Variants in NAALADL2 observed in about 807,000 individuals in gnomAD.
NAALADL2 encodes the protein inactive N-acetylated-alpha-linked acidic dipeptidase-like protein 2.
Under a neutral mutation model 87.2 loss-of-function variants are expected in NAALADL2, and 76 were observed. That is an observed-to-expected ratio of 0.87 (90% CI 0.72 to 1.05). The LOEUF (loss-of-function observed/expected upper bound fraction) is 1.05. Among genes scored for constraint, NAALADL2 ranks in the 50% least tolerant of loss-of-function variants. The pLI, the probability that NAALADL2 is intolerant of heterozygous loss-of-function variation, is 0.00. For missense variants in NAALADL2, 1,089 were observed against 945.8 expected, an observed-to-expected ratio of 1.15 and a Z score of -1.99; for synonymous variants, 354 against 331.0, an observed-to-expected ratio of 1.07 and a Z score of -0.75.
At chr3:175,786,433 C>G (rs1028569760) in intron 13 of NAALADL2, among the ~76,000 whole-genome samples, 1 of 152,130 alleles carries the variant, frequency 6.6e-6, no homozygotes, top group African/African-American at 2.4e-5. Flanking sequence ...CTTCCCTTCT[C>G]CTTCATTTCA....
intron 2 of NAALADL2, chr3:174,551,268 C>T (rs1712098305): frequency 6.6e-6 from 1 of 152,096 alleles, no homozygotes; most frequent in Non-Finnish European, 1.5e-5. Flanking sequence ...TTGATACTAC[C>T]AAGTTTTTGT....
chr3:174,911,133 T>A (rs1733643342), intron 1 of NAALADL2, among the ~76,000 whole-genome samples: 1 of 152,080 alleles, frequency 6.6e-6, no homozygotes. Flanking sequence ...TTTTCTGAAG[T>A]GGATTCTGAT....
At chr3:174,472,726 AG>A (rs1294302545) in intron 1 of NAALADL2, among the ~76,000 whole-genome samples, 1 of 152,048 alleles carries the variant, frequency 6.6e-6, no homozygotes, top group Non-Finnish European at 1.5e-5. Flanking sequence ...GTCAAATTTG[AG>A]TATTAAATTA....
At chr3:174,827,555 A>C (rs971442685) in intron 3 of NAALADL2, among the ~76,000 whole-genome samples, 2 of 152,164 alleles carry the variant, frequency 1.3e-5, no homozygotes, top group African/African-American at 4.8e-5. Context: ...GTTTGGGCCC[A>C]CTAGGATAAT....
chr3:174,942,690 T>G (rs1433483924), intron 1 of NAALADL2, among the ~76,000 whole-genome samples: 1 of 152,198 alleles, frequency 6.6e-6, no homozygotes. Flanking sequence ...ATATTTAGCC[T>G]CTTTACATAA....
At chr3:174,787,584 T>TGTATATATATATACATATATATATACAC (rs1560225453) in intron 3 of NAALADL2, among the ~76,000 whole-genome samples, 1 of 59,214 alleles carries the variant, frequency 1.7e-5, no homozygotes, top group Admixed American at 1.7e-4. Context: ...ATCATATATA[T>TGTATATATATATACATATATATATACAC]ATATATATAT....
At chr3:175,730,482 G>A (rs149888878) in intron 11 of NAALADL2, among the ~76,000 whole-genome samples, 43 of 135,160 alleles carry the variant, frequency 3.2e-4, no homozygotes, top group African/African-American at 8.9e-4. Context: ...GTGTGTGTGC[G>A]TACACTTTTT....
At chr3:175,559,790 C>G (rs1258412632) in intron 9 of NAALADL2, among the ~76,000 whole-genome samples, 1 of 152,220 alleles carries the variant, frequency 6.6e-6, no homozygotes, top group Admixed American at 6.5e-5. Context: ...GTGAACCCCA[C>G]TTGATCATGA....
chr3:174,638,698 T>C (rs9822741), intron 2 of NAALADL2, among the ~76,000 whole-genome samples: 33,568 of 152,082 alleles, frequency 0.22, 4,386 homozygotes, highest in African/African-American at 0.36. Flanking sequence ...TAAAAATATG[T>C]TTTTGCATGC....
intron 1 of NAALADL2, among the ~76,000 whole-genome samples, chr3:174,887,602 C>G (rs1271485647): frequency 6.6e-6 from 1 of 151,986 alleles, no homozygotes; most frequent in Non-Finnish European, 1.5e-5. Context: ...CATGACCAGC[C>G]TGGGCAACAT....
chr3:174,932,150 G>A (rs1736992424), intron 1 of NAALADL2, among the ~76,000 whole-genome samples: 1 of 152,116 alleles, frequency 6.6e-6, no homozygotes, highest in African/African-American at 2.4e-5. Context: ...GGCTTGCAGT[G>A]TTTCTTTCAC....
chr3:175,378,264 G>A (rs1297311169), intron 5 of NAALADL2, among the ~76,000 whole-genome samples: 1 of 152,180 alleles, frequency 6.6e-6, no homozygotes, highest in Non-Finnish European at 1.5e-5. Context: ...AAGCAGGTGG[G>A]AGTTAATGGA....
At chr3:175,425,061 T>C (rs1386350515) in intron 5 of NAALADL2, among the ~76,000 whole-genome samples, 3 of 152,140 alleles carry the variant, frequency 2.0e-5, no homozygotes, top group African/African-American at 7.2e-5. Context: ...CTATTGAACT[T>C]GGAGATTGGT....
chr3:175,181,691 A>ATG (rs1736505201), intron 2 of NAALADL2, among the ~76,000 whole-genome samples: 1 of 44,146 alleles, frequency 2.3e-5, no homozygotes, highest in African/African-American at 5.3e-5. Context: ...ATATATATAT[A>ATG]TATATATATA....
At chr3:174,602,150 T>TC (rs1210503458) in intron 2 of NAALADL2, among the ~76,000 whole-genome samples, 3 of 152,126 alleles carry the variant, frequency 2.0e-5, no homozygotes, top group African/African-American at 7.2e-5. Flanking sequence ...TTTTTCTATT[T>TC]CCATGCAGAA....
chr3:174,944,500 G>C (rs2108484888), intron 1 of NAALADL2, among the ~76,000 whole-genome samples: 1 of 152,282 alleles, frequency 6.6e-6, no homozygotes, highest in Non-Finnish European at 1.5e-5. Context: ...TTCCAAGCCA[G>C]TCTTATCCTG....
intron 2 of NAALADL2, among the ~76,000 whole-genome samples, chr3:174,717,639 A>G (rs979022780): frequency 2.0e-5 from 3 of 152,168 alleles, no homozygotes; most frequent in South Asian, 4.1e-4. Context: ...TTAAGGATCT[A>G]TATTTCATGT....
At chr3:175,570,278 T>C (rs544520567) in intron 9 of NAALADL2, among the ~76,000 whole-genome samples, 1 of 152,090 alleles carries the variant, frequency 6.6e-6, no homozygotes, top group Admixed American at 6.5e-5. Context: ...AGATGAGGGG[T>C]GTCCACATTG....
intron 1 of NAALADL2, among the ~76,000 whole-genome samples, chr3:174,984,476 ACAG>A (rs766569449): frequency 6.6e-6 from 1 of 152,130 alleles, no homozygotes; most frequent in Non-Finnish European, 1.5e-5. Flanking sequence ...GGTTCTAGTA[ACAG>A]CAGCATTCGC....
Sources: gnomAD v4.1 joint callset for allele counts (sites outside exome capture counted in the v4.1 genomes callset) on GRCh38, gnomAD v4.1.1 for gene constraint, MANE v1.5 for transcripts, NCBI Gene and HGNC (gene_info 2026-07-23, HGNC 2026-07-21) for gene names.